The following ZMAT3 variants were observed in gnomAD, a reference collection of about 807,000 sequenced individuals.
ZMAT3 encodes the protein zinc finger matrin-type 3.
In ZMAT3, 17 loss-of-function variants were observed where a neutral mutation model predicts 32.3. The ratio of observed to expected loss-of-function variants is 0.53; its 90% CI spans 0.36 to 0.79. The LOEUF is 0.79. Ranked by LOEUF, ZMAT3 falls within the 30% of genes least tolerant of loss-of-function variation. The probability of loss-of-function intolerance (pLI) is 0.00; values close to 1 mark genes in which losing one functional copy is unlikely to be tolerated. For synonymous variants in ZMAT3, 120 were observed against 133.1 expected, an observed-to-expected ratio of 0.90 and a Z score of 0.68; for missense variants, 329 against 359.7, an observed-to-expected ratio of 0.91 and a Z score of 0.69.
At chr3:179,055,190 G>A (rs184162922) in intron 2 of ZMAT3, among the ~76,000 whole-genome samples, 374 of 152,236 alleles carry the variant, frequency 2.5e-3, no homozygotes, top group African/African-American at 8.1e-3. Context: ...CTGGAGAATT[G>A]GGACCAATGT....
chr3:179,017,447 G>C lies in ZMAT3; in HGVS notation c.*7570C>G, dbSNP rs564267873. On this transcript the variant is annotated 3_prime_UTR_variant, in exon 6 of 6. Transcript: ENST00000311417. ...AGTTTCAATTTCACAATTCACAGTT[G>C]ATTGGTTTTAATCCCATGACACGTT... 3.9e-5 allele frequency: 6 copies of C among 152,268 alleles called. No homozygotes were observed. The highest frequency in any genetic ancestry group is 1.3e-4 in the Admixed American group (2 of 15,286). 9.4% of individuals were successfully genotyped at this position (152,268 alleles called of 1,614,324 possible). A position where few individuals can be genotyped will look rare whatever the true frequency, so the allele number is the denominator to read the frequency against.
intron 1 of ZMAT3, among the ~76,000 whole-genome samples, chr3:179,069,119 C>CCTTACCTTCCTCCTTTGTG (rs1327769660): frequency 2.0e-5 from 3 of 152,088 alleles, no homozygotes; most frequent in Non-Finnish European, 4.4e-5. Flanking sequence ...TCCTCCTTCT[C>CCTTACCTTCCTCCTTTGTG]TAGGTAAATT....
At chr3:179,066,424 A>C (rs1721420753) in intron 2 of ZMAT3, among the ~76,000 whole-genome samples, 1 of 152,246 alleles carries the variant, frequency 6.6e-6, no homozygotes, top group Non-Finnish European at 1.5e-5. Context: ...TACTTCCGAC[A>C]TACAATCAAA....
In ZMAT3 at chr3:179,037,300, G is replaced by T. The variant is rs188990163; in HGVS notation, c.271-6301C>A. Among the ~76,000 whole-genome samples the T allele has an allele frequency of 4.1e-3, 630 of 152,244 alleles. 1 individual carries two copies. The highest frequency in any genetic ancestry group is 6.9e-3 in the Non-Finnish European group (471 of 68,022). On this transcript the variant is annotated intron_variant, in intron 2 of 5. Coordinates refer to ENST00000311417, the MANE Select transcript of ZMAT3 (RefSeq NM_022470.4). ...ACAAAGCTGCAACATTTCTTGGGAG[G>T]TCAAATCTTGGGACTCCCCGGATGA...
At chr3:179,057,537 C>T (rs1377014625) in intron 2 of ZMAT3, among the ~76,000 whole-genome samples, 5 of 152,220 alleles carry the variant, frequency 3.3e-5, no homozygotes, top group Admixed American at 6.5e-5. Flanking sequence ...TCCTGTCCTT[C>T]GGTACGTGGA....
rs866931977 is a variant in ZMAT3, at chr3:179,017,557, G to A, written c.*7460C>T. The stretch of plus-strand genomic sequence containing the variant: ...CAGCATACACAGATCTTAAGCCTCT[G>A]TATGACATTTAGAGAAAATTTTAAT... On this transcript the variant is annotated 3_prime_UTR_variant, in exon 6 of 6. Coordinates refer to ENST00000311417, the MANE Select transcript of ZMAT3 (RefSeq NM_022470.4). 2.0e-5 allele frequency: 3 copies of A among 152,094 alleles called. No individual in the cohort carries two copies. The highest frequency in any genetic ancestry group is 2.0e-4 in the Admixed American group (3 of 15,254). The allele number at this position is 152,094 out of a possible 1,614,324, so 9.4% of individuals were successfully genotyped here. A position where few individuals can be genotyped will look rare whatever the true frequency, so the allele number is the denominator to read the frequency against.
At chr3:179,044,909 T>A in intron 2 of ZMAT3, among the ~76,000 whole-genome samples, 1 of 151,990 alleles carries the variant, frequency 6.6e-6, no homozygotes, top group East Asian at 1.9e-4. Context: ...AGGGATAGCA[T>A]TAGGAGATAT....
intron 2 of ZMAT3, among the ~76,000 whole-genome samples, chr3:179,059,242 C>T (rs1267373098): frequency 6.6e-6 from 1 of 152,120 alleles, no homozygotes; most frequent in Non-Finnish European, 1.5e-5. Flanking sequence ...CTCCAGGAAA[C>T]CAAGCCCCAG....
chr3:179,056,544 G>A (rs920133671), intron 2 of ZMAT3, among the ~76,000 whole-genome samples: 1 of 152,168 alleles, frequency 6.6e-6, no homozygotes, highest in African/African-American at 2.4e-5. Context: ...CACTGCCCCA[G>A]GGGATGAAGA....
At chr3:179,061,460 T>C (rs1022730500) in intron 2 of ZMAT3, among the ~76,000 whole-genome samples, 4 of 152,154 alleles carry the variant, frequency 2.6e-5, no homozygotes, top group African/African-American at 9.6e-5. Context: ...TTAGAACAAC[T>C]AGTCAAAATC....
At chr3:179,068,218 A>G (rs1721520967) in intron 1 of ZMAT3, among the ~76,000 whole-genome samples, 1 of 152,160 alleles carries the variant, frequency 6.6e-6, no homozygotes, top group Non-Finnish European at 1.5e-5. Flanking sequence ...CAAAAACACC[A>G]CGAGCTGTCC....
At chr3:179,059,821 G>T (rs1721058699) in intron 2 of ZMAT3, among the ~76,000 whole-genome samples, 1 of 152,178 alleles carries the variant, frequency 6.6e-6, no homozygotes, top group Admixed American at 6.5e-5. Context: ...CCTGTTGAGA[G>T]GGGGGACTGA....
Position 179,021,802 on chromosome 3 carries a change from GTATC to G in ZMAT3, c.*3211_*3214del, listed in dbSNP as rs1314968842. On this transcript the variant is annotated 3_prime_UTR_variant, in exon 6 of 6. Transcript: ENST00000311417. ...ATGAGAAATTGTACCATGCAGAGAT[GTATC>G]TATTTAGGCATTTCCTGCCTGATAA... is the stretch of plus-strand genomic sequence containing the variant. 6.6e-6 allele frequency: 1 copy of G among 152,202 alleles called. No individual in the cohort carries two copies. The highest frequency in any genetic ancestry group is 1.5e-5 in the Non-Finnish European group (1 of 68,026). 9.4% of individuals were successfully genotyped at this position (152,202 alleles called of 1,614,324 possible).
intron 2 of ZMAT3, among the ~76,000 whole-genome samples, chr3:179,051,184 A>G (rs1344988212): frequency 3.3e-5 from 5 of 152,234 alleles, no homozygotes; most frequent in African/African-American, 1.2e-4. Flanking sequence ...ATCAATAAAG[A>G]GGAAGTCAAA....
chr3:179,055,539 G>A (rs941259376), intron 2 of ZMAT3, among the ~76,000 whole-genome samples: 8 of 148,286 alleles, frequency 5.4e-5, no homozygotes, highest in African/African-American at 2.0e-4. Context: ...TCCAAAAGGA[G>A]ATAGACAAAG....
chr3:179,056,103 G>A (rs554546452), intron 2 of ZMAT3, among the ~76,000 whole-genome samples: 36 of 152,192 alleles, frequency 2.4e-4, no homozygotes, highest in African/African-American at 8.0e-4. Flanking sequence ...ACAGACTAAG[G>A]GAGGCATTGA....
chr3:179,025,175 T>C lies in ZMAT3; in HGVS notation c.712A>G (p.Met238Val), dbSNP rs1718799645. 1 of 1,614,166 alleles carries C rather than the reference T, an allele frequency of 6.2e-7. No homozygotes were observed. Among genetic ancestry groups the C allele is most frequent in the Non-Finnish European group, 8.5e-7 (1 of 1,180,040 alleles). The change falls in exon 6 of 6, where the codon ATG becomes GTG. Residue 238 changes from methionine (M) to valine (V), a missense_variant. Met to Val is a conservative substitution (Grantham distance 21). Transcript: ENST00000311417. ...SRQRIPRDLA[M>V]CVTPSGQFYC... The stretch of plus-strand genomic sequence containing the variant: ...AACTGGCCACTTGGAGTAACACACA[T>C]GGCCAGATCACGTGGAATTCTCTGC...
intron 2 of ZMAT3, among the ~76,000 whole-genome samples, chr3:179,056,166 G>C (rs926807686): frequency 2.6e-5 from 4 of 152,158 alleles, no homozygotes; most frequent in Non-Finnish European, 4.4e-5. Context: ...TAATCTTAAA[G>C]GATAAGTTTA....
intron 2 of ZMAT3, among the ~76,000 whole-genome samples, chr3:179,049,032 G>A (rs1370401034): frequency 6.6e-6 from 1 of 152,068 alleles, no homozygotes; most frequent in Non-Finnish European, 1.5e-5. Flanking sequence ...ATTCTTATTT[G>A]AGACAAAATA....
Sources: gnomAD v4.1 joint callset for allele counts (sites outside exome capture counted in the v4.1 genomes callset) on GRCh38, gnomAD v4.1.1 for gene constraint, MANE v1.5 for transcripts, NCBI Gene and HGNC (gene_info 2026-07-23, HGNC 2026-07-21) for gene names.